The following MYH7 variants were observed in gnomAD, a reference collection of about 807,000 sequenced individuals.
MYH7 encodes myosin-7.
Under a neutral mutation model 225.4 loss-of-function variants are expected in MYH7, and 129 were observed. That is an observed-to-expected ratio of 0.57 (90% CI 0.50 to 0.66). The LOEUF (loss-of-function observed/expected upper bound fraction) is 0.66, where lower values mean the gene tolerates loss of function less well. Ranked by LOEUF, MYH7 falls within the 30% of genes least tolerant of loss-of-function variation. MYH7 has a pLI of 0.00. For synonymous variants in MYH7, 971 were observed against 1,007.6 expected (o/e 0.96, Z 0.69); for missense variants, 1,649 against 2,517.0 (o/e 0.66, Z 7.38).
chr14:23,425,249 A>G lies in MYH7; in HGVS notation c.2423+33T>C. The G allele has an allele frequency of 6.2e-7, 1 of 1,614,110 alleles. No individual in the cohort carries two copies. The highest frequency in any genetic ancestry group is 8.5e-7 in the Non-Finnish European group (1 of 1,180,030). ...GCCCCTGAACCAGCCTGGGCCTCAG[A>G]GAAGCGGGAAACCTCCTCTTGAGAT... On this transcript the variant is annotated intron_variant, in intron 21 of 39. Transcript: ENST00000355349. The surrounding 1 kb of genome is among the most constrained non-coding windows in gnomAD (Gnocchi z 4.6).
chr14:23,435,263 C>T (rs974995669), intron 1 of MYH7, among the ~76,000 whole-genome samples: 8 of 152,210 alleles, frequency 5.3e-5, no homozygotes, highest in Non-Finnish European at 8.8e-5. Flanking sequence ...GGAACCTCCT[C>T]GTTCACAGAC....
chr14:23,430,986 T>G lies in MYH7; in HGVS notation c.810A>C (p.Lys270Asn). The stretch of plus-strand genomic sequence containing the variant: ...CTTTCAGCTGGAAAATAACTCTGGA[T>G]TTTTCCAGAAGATCTGTGAACAGGT... Reference protein sequence around the residue: ...SADIETYLLEKSRVIFQLKAE... With the variant: ...SADIETYLLENSRVIFQLKAE... Residue 270 changes from lysine to asparagine, a missense_variant, in exon 10 of 40, where the codon AAA (lysine) becomes AAC (asparagine). Transcript: ENST00000355349. 6.2e-7 allele frequency: 1 copy of G among 1,612,194 alleles called. No homozygotes were observed. Among genetic ancestry groups the G allele is most frequent in the Non-Finnish European group, 8.5e-7 (1 of 1,178,306 alleles).
intron 5 of MYH7, 38 bp downstream of exon 5, chr14:23,432,601 C>G: frequency 1.9e-6 from 3 of 1,614,172 alleles, no homozygotes; most frequent in Non-Finnish European, 2.5e-6. Context: ...CCGGCCTATC[C>G]CAGTTCCCTT....
chr14:23,429,743 G>T (rs771201247), intron 12 of MYH7, 32 bp downstream of exon 12: 1 of 1,609,026 alleles, frequency 6.2e-7, no homozygotes, highest in Non-Finnish European at 8.5e-7. Context: ...TCCATGACTT[G>T]ACAGCTGCCC....
chr14:23,433,890 C>G lies in MYH7; in HGVS notation c.-8-150G>C. ...TGAGTCCCTTCCTCTTTGAGGTTAC[C>G]CCTTAACCAGAGGAGCAGCCTAGCA... On this transcript the variant is annotated intron_variant, in intron 2 of 39. Transcript: ENST00000355349. This position sits in a 1 kb window ranked among gnomAD's most constrained non-coding sequence, Gnocchi z 4.1. 1 of 796,624 alleles carries G rather than the reference C, an allele frequency of 1.3e-6. No homozygotes were observed. Among genetic ancestry groups the G allele is most frequent in the Non-Finnish European group, 2.0e-6 (1 of 496,402 alleles). The allele number at this position is 796,624 out of a possible 1,614,324, so 49.3% of individuals were successfully genotyped here. A position where few individuals can be genotyped will look rare whatever the true frequency, so the allele number is the denominator to read the frequency against.
intron 6 of MYH7, 57 bp downstream of exon 6, chr14:23,432,422 G>A (rs1422093081): frequency 6.2e-7 from 1 of 1,606,082 alleles, no homozygotes; most frequent in African/African-American, 1.3e-5. Context: ...ACCTGATGGG[G>A]CTGGAGGCTG....
intron 1 of MYH7, among the ~76,000 whole-genome samples, chr14:23,435,364 CCACACACACA>C (rs3138591): frequency 2.0e-5 from 3 of 147,548 alleles, no homozygotes; most frequent in African/African-American, 7.5e-5. Context: ...GCAGGCTTGT[CCACACACACA>C]CACACACACA....
At chr14:23,414,936 G>A in intron 37 of MYH7, 59 bp downstream of exon 37, 2 of 1,600,422 alleles carry the variant, frequency 1.2e-6, no homozygotes, top group Non-Finnish European at 1.7e-6. Context: ...ATTCTCCTCA[G>A]CTGGTTGTCA....
At position 23,423,902 on chromosome 14, in the gene MYH7, C is replaced by A. The variant is rs1892584713; in HGVS notation, c.2922+5G>T. ...CGGGCTGGAGCCAAAGGGAGCTGCC[C>A]TTACCTTGTTCTCTGTTGCGTGTTT... is the stretch of plus-strand genomic sequence containing the variant. On this transcript the variant is annotated splice_donor_5th_base_variant and intron_variant, in intron 23 of 39. Coordinates refer to ENST00000355349, the MANE Select transcript of MYH7 (RefSeq NM_000257.4). 6.2e-7 allele frequency: 1 copy of A among 1,614,002 alleles called. No individual in the cohort carries two copies. Among genetic ancestry groups the A allele is most frequent in the East Asian group, 2.2e-5 (1 of 44,878 alleles).
rs1892689632 is a variant in MYH7 at position 23,426,202 on chromosome 14, TG to T, written c.2045-122del. 11 of 1,176,312 alleles carry T rather than the reference TG, an allele frequency of 9.4e-6. No individual in the cohort carries two copies. In the South Asian group the frequency reaches 1.4e-4, roughly 15 times the overall value. 72.9% of individuals were successfully genotyped at this position (1,176,312 alleles called of 1,614,324 possible). ...AGCAAGTCAGTTAGTAATAATCATT[TG>T]TTTCATTTTCTTCTAGCCACATTTT... On this transcript the variant is annotated intron_variant, in intron 18 of 39. Transcript: ENST00000355349.
chr14:23,425,133 G>T lies in MYH7; in HGVS notation c.2424-109C>A. The T allele has an allele frequency of 6.2e-7, 1 of 1,601,906 alleles. No individual in the cohort carries two copies. The highest frequency in any genetic ancestry group is 8.5e-7 in the Non-Finnish European group (1 of 1,171,144). On this transcript the variant is annotated intron_variant, in intron 21 of 39. Transcript: ENST00000355349. This position sits in a 1 kb window ranked among gnomAD's most constrained non-coding sequence, Gnocchi z 4.6. The stretch of plus-strand genomic sequence containing the variant: ...CTTCATCCCTCCCACCCTTCCTGAG[G>T]CCTCTGACCCTGTGACTGCAGTGTG...
intron 30 of MYH7, 160 bp downstream of exon 30, chr14:23,418,049 AG>A (rs1429970155): frequency 4.4e-6 from 5 of 1,135,618 alleles, no homozygotes; most frequent in Non-Finnish European, 6.7e-6. Flanking sequence ...TCGAGCAAAA[AG>A]CTTCCCTGAG....
chr14:23,422,632 C>CTT lies in MYH7; in HGVS notation c.3100-309_3100-308dup, dbSNP rs33928947. Among the ~76,000 whole-genome samples, 77 of 116,112 alleles carry CTT rather than the reference C, an allele frequency of 6.6e-4. 1 individual carries two copies. The highest frequency in any genetic ancestry group is 1.9e-3 in the East Asian group (8 of 4,264). 76.2% of individuals were successfully genotyped at this position (116,112 alleles called of 152,430 possible). A position where few individuals can be genotyped will look rare whatever the true frequency, so the allele number is the denominator to read the frequency against. ...TCTCTCCTTCCTTCCTTCCTTCCTC[C>CTT]TTTTTTTTTTTTTTTTTTTTATGGA... On this transcript the variant is annotated intron_variant, in intron 24 of 39. Transcript: ENST00000355349.
chr14:23,425,503 C>A lies in MYH7; in HGVS notation c.2287-85G>T. 6.2e-7 allele frequency: 1 copy of A among 1,605,328 alleles called. No individual in the cohort carries two copies. Among genetic ancestry groups the A allele is most frequent in the Non-Finnish European group, 8.5e-7 (1 of 1,176,008 alleles). ...GGGATTACCTTAGGAAGGGTAACAGCCTAGAAAAGGATTGCAGGGAGGAGG... is the reference window on the plus strand; with the variant it reads ...GGGATTACCTTAGGAAGGGTAACAGACTAGAAAAGGATTGCAGGGAGGAGG... On this transcript the variant is annotated intron_variant, in intron 20 of 39. Transcript: ENST00000355349. The surrounding 1 kb of genome is among the most constrained non-coding windows in gnomAD (Gnocchi z 4.6).
Position 23,416,092 on chromosome 14 carries a change from A to T in MYH7, c.4865T>A (p.Leu1622His). ...LRVKKKMEGD[L>H]NEMEIQLSHA... is the part of the protein sequence containing the mutation. ...GCTGAGCTGGATCTCCATCTCATTGAGGTCTCCTTCCATCTTCTTCTTCAC... is the reference window on the plus strand; with the variant it reads ...GCTGAGCTGGATCTCCATCTCATTGTGGTCTCCTTCCATCTTCTTCTTCAC... The change falls in exon 34 of 40, where the codon CTC becomes CAC. Residue 1622 changes from leucine to histidine, a missense_variant. Transcript: ENST00000355349. 6.2e-7 allele frequency: 1 copy of T among 1,614,166 alleles called. No individual in the cohort carries two copies. Among genetic ancestry groups the T allele is most frequent in the Non-Finnish European group, 8.5e-7 (1 of 1,180,034 alleles).
rs988587999 is a variant in MYH7, at chr14:23,417,704, G to A, written c.4170-18C>T. The A allele has an allele frequency of 3.7e-6, 6 of 1,611,916 alleles. No homozygotes were observed. Among genetic ancestry groups the A allele is most frequent in the Non-Finnish European group, 5.1e-6 (6 of 1,179,876 alleles). ...GCTTCTTCCTGCCCAGGGGAGGGTG[G>A]CAGAGGGTGGGGAGGATGGAGGGTG... is the stretch of plus-strand genomic sequence containing the variant. On this transcript the variant is annotated intron_variant, in intron 30 of 39. Transcript: ENST00000355349.
chr14:23,413,305 A>AGTG lies in MYH7; in HGVS notation c.5791-437_5791-435dup, dbSNP rs1391273078. 2.6e-5 allele frequency among the ~76,000 whole-genome samples: 4 copies of AGTG among 152,206 alleles called. No homozygotes were observed. In the East Asian group the frequency reaches 5.8e-4, roughly 22 times the overall value. On this transcript the variant is annotated intron_variant, in intron 39 of 39. Transcript: ENST00000355349. ...CACTGAAACTTAGAGCTGAGCTGGG[A>AGTG]GTGGTGGCTCACGCCTGTAATCCCG...
Position 23,416,169 on chromosome 14 carries a change from C to G in MYH7, c.4788G>C (p.Ser1596=), listed in dbSNP as rs146858930. 1.9e-6 allele frequency: 3 copies of G among 1,614,134 alleles called. No individual in the cohort carries two copies. Among genetic ancestry groups the G allele is most frequent in the Non-Finnish European group, 2.5e-6 (3 of 1,180,040 alleles). ...TCTCTGCGTCCAGGGAGGTCTGCAGCGAGTCCACCACCCGCAGGTGGTTGC... is the reference window on the plus strand; with the variant it reads ...TCTCTGCGTCCAGGGAGGTCTGCAGGGAGTCCACCACCCGCAGGTGGTTGC... The part of the protein sequence containing the change: ...AKRNHLRVVD[S]LQTSLDAETR... The change falls in exon 34 of 40, where the codon TCG becomes TCC. Residue 1596 remains serine (S), a synonymous_variant. Coordinates refer to ENST00000355349, the MANE Select transcript of MYH7 (RefSeq NM_000257.4).
At position 23,423,863 on chromosome 14, in the gene MYH7, G is replaced by A. The variant is rs1022743476; in HGVS notation, c.2922+44C>T. 3.3e-5 allele frequency: 54 copies of A among 1,613,590 alleles called. 1 individual carries two copies. The highest frequency in any genetic ancestry group is 4.4e-5 in the Non-Finnish European group (52 of 1,180,044). On this transcript the variant is annotated intron_variant, in intron 23 of 39. Coordinates refer to ENST00000355349, the MANE Select transcript of MYH7 (RefSeq NM_000257.4). ...GGGTCAAGGTCAGTATGGTCTGAGA[G>A]TCCTGATGAGACCCGGGCTGGAGCC...
Sources: allele counts gnomAD v4.1 joint callset (sites outside exome capture counted in the v4.1 genomes callset), GRCh38; gene constraint gnomAD v4.1.1; non-coding constraint Gnocchi (gnomAD v3.1); transcripts MANE v1.5; gene names NCBI Gene and HGNC (gene_info 2026-07-23, HGNC 2026-07-21).